The following XRRA1 variants were observed in gnomAD, a reference collection of about 807,000 sequenced individuals.
XRRA1 encodes the protein X-ray radiation resistance-associated protein 1.
Under a neutral mutation model 80.2 loss-of-function variants are expected in XRRA1, and 69 were observed. That is an observed-to-expected ratio of 0.86 (90% CI 0.71 to 1.05). The LOEUF is 1.05. XRRA1 is among the 50% of genes least tolerant of loss of function. The probability of loss-of-function intolerance (pLI) is 0.00; values close to 1 mark genes in which losing one functional copy is unlikely to be tolerated. For synonymous variants in XRRA1, 348 were observed against 389.9 expected, an observed-to-expected ratio of 0.89 and a Z score of 1.27; for missense variants, 967 against 976.4, an observed-to-expected ratio of 0.99 and a Z score of 0.13.
intron 10 of XRRA1, among the ~76,000 whole-genome samples, chr11:74,897,853 G>A (rs1009705808): frequency 6.6e-6 from 1 of 151,790 alleles, no homozygotes; most frequent in African/African-American, 2.4e-5. Context: ...TGTCCTACAA[G>A]AAATGCAAAA....
At chr11:74,884,950 T>G (rs1400614949) in intron 10 of XRRA1, among the ~76,000 whole-genome samples, 2 of 151,794 alleles carry the variant, frequency 1.3e-5, no homozygotes, top group Non-Finnish European at 2.9e-5. Context: ...TGAAGAAAAT[T>G]TAGATGCAAA....
At chr11:74,869,485 G>C (rs1413764989) in intron 10 of XRRA1, among the ~76,000 whole-genome samples, 1 of 152,170 alleles carries the variant, frequency 6.6e-6, no homozygotes, top group Admixed American at 6.5e-5. Flanking sequence ...TTGCATGGGG[G>C]AATGCCAGCA....
intron 10 of XRRA1, among the ~76,000 whole-genome samples, chr11:74,905,132 C>T (rs2054311251): frequency 6.6e-6 from 1 of 152,168 alleles, no homozygotes; most frequent in Non-Finnish European, 1.5e-5. Context: ...TAGCTCACTA[C>T]AGGCTCAAGG....
chr11:74,846,958 T>A (rs560946127), intron 15 of XRRA1, among the ~76,000 whole-genome samples: 2 of 152,032 alleles, frequency 1.3e-5, no homozygotes, highest in East Asian at 3.9e-4. Context: ...GACTCATAAT[T>A]GATTGTATTG....
chr11:74,847,472 T>C (rs1267745599), intron 15 of XRRA1, among the ~76,000 whole-genome samples: 4 of 152,248 alleles, frequency 2.6e-5, no homozygotes, highest in African/African-American at 9.6e-5. Flanking sequence ...CATGTACCAT[T>C]TTAATTTCCT....
intron 8 of XRRA1, among the ~76,000 whole-genome samples, chr11:74,913,171 T>C (rs1483470647): frequency 1.3e-5 from 2 of 152,230 alleles, no homozygotes; most frequent in African/African-American, 4.8e-5. Context: ...ACAAAGTATA[T>C]AGCCCATTAT....
chr11:74,913,359 T>C (rs1380440437), intron 8 of XRRA1, among the ~76,000 whole-genome samples: 1 of 152,240 alleles, frequency 6.6e-6, no homozygotes, highest in African/African-American at 2.4e-5. Flanking sequence ...AAGATTGTTA[T>C]GTATTGTGAA....
At chr11:74,919,477 C>A in intron 8 of XRRA1, 1 of 219,602 alleles carries the variant, frequency 4.6e-6, no homozygotes, top group Non-Finnish European at 9.1e-6. Context: ...ATCAGTAAAC[C>A]AATTAATACC....
intron 11 of XRRA1, among the ~76,000 whole-genome samples, chr11:74,860,559 A>G (rs1227628721): frequency 6.6e-6 from 1 of 152,222 alleles, no homozygotes; most frequent in Non-Finnish European, 1.5e-5. Context: ...AGTCTCAACT[A>G]TCCAACTCAC....
At chr11:74,877,825 G>A (rs1047997601) in intron 10 of XRRA1, among the ~76,000 whole-genome samples, 2 of 152,172 alleles carry the variant, frequency 1.3e-5, no homozygotes, top group African/African-American at 4.8e-5. Context: ...GTATTCTATG[G>A]TGTTTATGTG....
rs143601450 is a variant in XRRA1, at chr11:74,907,276, G to T, written c.657-3C>A. 5,828 of 1,613,834 alleles carry T rather than the reference G, an allele frequency of 3.6e-3. 24 individuals carry two copies. Among genetic ancestry groups the T allele is most frequent in the Non-Finnish European group, 4.3e-3 (5,033 of 1,179,790 alleles). ...TCAGCGATGTTACAGATGCCTCCCT[G>T]TGAGTGCAAAGATCTTGGGTAATGA... is the stretch of plus-strand genomic sequence containing the variant. On this transcript the variant is annotated splice_region_variant and splice_polypyrimidine_tract_variant and intron_variant, in intron 8 of 18. Coordinates refer to ENST00000684022, the MANE Select transcript of XRRA1 (RefSeq NM_001378157.1).
intron 10 of XRRA1, among the ~76,000 whole-genome samples, chr11:74,867,948 T>C (rs1239558403): frequency 8.6e-6 from 1 of 116,288 alleles, no homozygotes; most frequent in Non-Finnish European, 1.7e-5. Context: ...TGAGACAGAG[T>C]CTTGCTCCCG....
intron 12 of XRRA1, among the ~76,000 whole-genome samples, chr11:74,857,322 CAGTA>C (rs2041341630): frequency 6.6e-6 from 1 of 151,414 alleles, no homozygotes; most frequent in Non-Finnish European, 1.5e-5. Context: ...ACCATGCAAA[CAGTA>C]AGTATAAGGA....
chr11:74,932,544 G>A (rs1405424875), intron 5 of XRRA1, among the ~76,000 whole-genome samples: 4 of 152,152 alleles, frequency 2.6e-5, no homozygotes, highest in Admixed American at 6.5e-5. Context: ...ACCAGGCCTC[G>A]GTAATGTTTG....
chr11:74,846,222 G>T (rs1040252329), intron 15 of XRRA1: 2 of 152,128 alleles, frequency 1.3e-5, no homozygotes, highest in African/African-American at 4.8e-5. Flanking sequence ...ATACGTGTGT[G>T]TATTTGTGAA....
intron 12 of XRRA1, among the ~76,000 whole-genome samples, chr11:74,856,707 G>C (rs928328558): frequency 2.6e-5 from 4 of 152,222 alleles, no homozygotes; most frequent in Admixed American, 1.3e-4. Flanking sequence ...CTGGAGGCAG[G>C]AGAGAGATTG....
intron 7 of XRRA1, among the ~76,000 whole-genome samples, chr11:74,923,001 T>C (rs548250044): frequency 6.6e-6 from 1 of 152,308 alleles, no homozygotes; most frequent in South Asian, 2.1e-4. Flanking sequence ...TAAATACATG[T>C]ATATGTTCAT....
chr11:74,917,170 C>A (rs905613495), intron 8 of XRRA1, among the ~76,000 whole-genome samples: 1 of 152,182 alleles, frequency 6.6e-6, no homozygotes, highest in South Asian at 2.1e-4. Flanking sequence ...GTGATCACAG[C>A]ACAAATCTCT....
intron 10 of XRRA1, among the ~76,000 whole-genome samples, chr11:74,868,992 A>G (rs550289140): frequency 1.3e-5 from 2 of 152,272 alleles, no homozygotes; most frequent in Admixed American, 1.3e-4. Flanking sequence ...ACTTGACCAT[A>G]TGGACCCAAT....
Sources: gnomAD v4.1 joint callset for allele counts (sites outside exome capture counted in the v4.1 genomes callset) on GRCh38, gnomAD v4.1.1 for gene constraint, MANE v1.5 for transcripts, NCBI Gene and HGNC (gene_info 2026-07-23, HGNC 2026-07-21) for gene names.